DTNA: variants seen among roughly 807,000 people sequenced by gnomAD.
DTNA encodes the protein dystrophin-related protein 3.
DTNA carries 43 observed loss-of-function variants against 100.7 expected under a neutral mutation model. That is an observed-to-expected ratio of 0.43 (90% CI 0.33 to 0.55). DTNA has a LOEUF of 0.55. DTNA is among the 20% of genes least tolerant of loss of function. The probability of loss-of-function intolerance (pLI) is 0.04; values close to 1 mark genes in which losing one functional copy is unlikely to be tolerated. For synonymous variants in DTNA, 349 were observed against 347.9 expected, an observed-to-expected ratio of 1.00 and a Z score of -0.04; for missense variants, 798 against 953.9, an observed-to-expected ratio of 0.84 and a Z score of 2.15.
At chr18:34,884,272 GCTTAC>G in intron 21 of DTNA, among the ~76,000 whole-genome samples, 1 of 152,172 alleles carries the variant, frequency 6.6e-6, no homozygotes, top group Non-Finnish European at 1.5e-5. Context: ...AGGGAGGCAG[GCTTAC>G]ACCATTCCAT....
At chr18:34,766,283 C>T (rs1036322695) in intron 3 of DTNA, among the ~76,000 whole-genome samples, 2 of 152,020 alleles carry the variant, frequency 1.3e-5, no homozygotes, top group African/African-American at 2.4e-5. Flanking sequence ...AAAGGATGAA[C>T]CTCTGGATAC....
intron 1 of DTNA, among the ~76,000 whole-genome samples, chr18:34,539,080 A>G (rs1378738309): frequency 1.3e-5 from 2 of 152,088 alleles, no homozygotes; most frequent in African/African-American, 4.8e-5. Context: ...ATGTAAAATA[A>G]TGAGTTATCA....
chr18:34,559,492 G>A (rs2046437217), intron 1 of DTNA, among the ~76,000 whole-genome samples: 1 of 152,194 alleles, frequency 6.6e-6, no homozygotes, highest in Non-Finnish European at 1.5e-5. Flanking sequence ...GTAGATGTGG[G>A]ATAAGGATTA....
At position 34,838,056 on chromosome 18, in the gene DTNA, G is replaced by T. The variant is rs766511676; in HGVS notation, c.1176-38G>T. 3.7e-6 allele frequency: 6 copies of T among 1,602,066 alleles called. No individual in the cohort carries two copies. The South Asian group carries it at 6.6e-5, about 18-fold the overall frequency. ...TTTCTATTCTTGAATGCATTGCCGTGTTTACGCTCTTCTTGGCTTTCCCAT... is the reference window on the plus strand; with the variant it reads ...TTTCTATTCTTGAATGCATTGCCGTTTTTACGCTCTTCTTGGCTTTCCCAT... On this transcript the variant is annotated intron_variant, in intron 11 of 22. Transcript: ENST00000444659.
At chr18:34,850,935 A>G (rs2096466901) in intron 14 of DTNA, among the ~76,000 whole-genome samples, 1 of 152,154 alleles carries the variant, frequency 6.6e-6, no homozygotes, top group South Asian at 2.1e-4. Flanking sequence ...TCTGAAAATG[A>G]GGAGCTGGAG....
Position 34,888,092 on chromosome 18 carries a change from T to A in DTNA, c.*358T>A, listed in dbSNP as rs1226698740. On this transcript the variant is annotated 3_prime_UTR_variant, in exon 23 of 23. Transcript: ENST00000444659. ...GGTTAAAAAGCAAACAAACACAGGC[T>A]GAAAACCCATGCTGCTGTTATACAC... The A allele has an allele frequency of 1.0e-6, 1 of 985,790 alleles. No homozygotes were observed. Among genetic ancestry groups the A allele is most frequent in the Non-Finnish European group, 1.2e-6 (1 of 829,948 alleles). The allele number at this position is 985,790 out of a possible 1,614,324, so 61.1% of individuals were successfully genotyped here.
At chr18:34,527,447 A>G (rs539157307) in intron 1 of DTNA, among the ~76,000 whole-genome samples, 3 of 152,150 alleles carry the variant, frequency 2.0e-5, no homozygotes, top group South Asian at 4.2e-4. Context: ...TTCCAGATAT[A>G]GACAGAAACT....
At position 34,890,104 on chromosome 18, in the gene DTNA, G is replaced by A; in HGVS notation, c.*2370G>A. 1 of 1,400,610 alleles carries A rather than the reference G, an allele frequency of 7.1e-7. No individual in the cohort carries two copies. The highest frequency in any genetic ancestry group is 9.2e-7 in the Non-Finnish European group (1 of 1,082,022). 86.8% of individuals were successfully genotyped at this position (1,400,610 alleles called of 1,614,324 possible). The stretch of plus-strand genomic sequence containing the variant: ...CCGAGCTGGCATATGTTGTTTCTTT[G>A]TGTTTCTACATCAAAATGTTCGTCT... On this transcript the variant is annotated 3_prime_UTR_variant, in exon 23 of 23. Coordinates refer to ENST00000444659, the MANE Select transcript of DTNA (RefSeq NM_001386795.1).
chr18:34,748,193 G>C (rs901825154), intron 1 of DTNA, among the ~76,000 whole-genome samples: 7 of 151,740 alleles, frequency 4.6e-5, no homozygotes, highest in Admixed American at 2.6e-4. Context: ...GATCCTTGTA[G>C]ATTCGGGATA....
At chr18:34,517,460 C>T (rs1160749743) in intron 1 of DTNA, among the ~76,000 whole-genome samples, 3 of 148,884 alleles carry the variant, frequency 2.0e-5, no homozygotes, top group Admixed American at 6.7e-5. Context: ...TTTATATACA[C>T]GTGTGTGTGT....
intron 1 of DTNA, among the ~76,000 whole-genome samples, chr18:34,634,294 C>T (rs908854853): frequency 4.6e-5 from 7 of 152,122 alleles, no homozygotes; most frequent in Non-Finnish European, 1.0e-4. Context: ...TTCGTTTGTA[C>T]AGGTTACATC....
chr18:34,791,992 G>A (rs1490473191), intron 3 of DTNA, among the ~76,000 whole-genome samples: 1 of 152,152 alleles, frequency 6.6e-6, no homozygotes, highest in Non-Finnish European at 1.5e-5. Flanking sequence ...TTGAGCACAG[G>A]TATCTTCCCT....
At chr18:34,540,792 A>T (rs1476764616) in intron 1 of DTNA, among the ~76,000 whole-genome samples, 2 of 152,126 alleles carry the variant, frequency 1.3e-5, no homozygotes, top group Non-Finnish European at 2.9e-5. Context: ...ACTGTGCCCT[A>T]TAAAAACTGC....
chr18:34,522,419 T>C (rs1477380464), intron 1 of DTNA, among the ~76,000 whole-genome samples: 2 of 152,104 alleles, frequency 1.3e-5, no homozygotes, highest in African/African-American at 4.8e-5. Context: ...GATAGGGAAA[T>C]GTACTTTTAT....
intron 1 of DTNA, among the ~76,000 whole-genome samples, chr18:34,539,702 T>C (rs9949699): frequency 1.1e-3 from 162 of 152,118 alleles, no homozygotes; most frequent in African/African-American, 3.8e-3. Flanking sequence ...TGAACATATC[T>C]TTTCCTTTTA....
At chr18:34,653,284 G>A (rs972684770) in intron 1 of DTNA, among the ~76,000 whole-genome samples, 2 of 152,020 alleles carry the variant, frequency 1.3e-5, no homozygotes, top group African/African-American at 4.8e-5. Context: ...CTCACCTTTA[G>A]CATTTCAATT....
At chr18:34,724,469 G>A (rs2086120448) in intron 1 of DTNA, among the ~76,000 whole-genome samples, 2 of 152,298 alleles carry the variant, frequency 1.3e-5, no homozygotes, top group South Asian at 2.1e-4. Flanking sequence ...AAGAAAACAG[G>A]TTTATTTGGC....
intron 1 of DTNA, among the ~76,000 whole-genome samples, chr18:34,649,268 G>A (rs1051956494): frequency 3.3e-5 from 5 of 152,146 alleles, no homozygotes; most frequent in Non-Finnish European, 7.3e-5. Context: ...ATGTTTATAA[G>A]TCAGCTTTTA....
chr18:34,799,097 T>C (rs1233608006), intron 4 of DTNA, among the ~76,000 whole-genome samples: 1 of 152,204 alleles, frequency 6.6e-6, no homozygotes, highest in African/African-American at 2.4e-5. Context: ...AAAGAGTGTA[T>C]GTGGAAGAAA....
Sources: allele counts gnomAD v4.1 joint callset (sites outside exome capture counted in the v4.1 genomes callset), GRCh38; gene constraint gnomAD v4.1.1; transcripts MANE v1.5; gene names NCBI Gene and HGNC (gene_info 2026-07-23, HGNC 2026-07-21).